The following TBC1D15 variants were observed in gnomAD, a reference collection of about 807,000 sequenced individuals.
The protein encoded by TBC1D15 is GAP for RAB7.
Under a neutral mutation model 95.4 loss-of-function variants are expected in TBC1D15, and 39 were observed. That is an observed-to-expected ratio of 0.41 (90% CI 0.32 to 0.53). The LOEUF (loss-of-function observed/expected upper bound fraction) is 0.53. TBC1D15 is among the 20% of genes least tolerant of loss of function. The pLI is 0.29. For synonymous variants in TBC1D15, 258 were observed against 261.3 expected, an observed-to-expected ratio of 0.99 and a Z score of 0.12; for missense variants, 733 against 794.3, an observed-to-expected ratio of 0.92 and a Z score of 0.93.
chr12:71,877,496 TTTCCTTCC>T (rs200912836), intron 3 of TBC1D15, among the ~76,000 whole-genome samples: 9,804 of 88,972 alleles, frequency 0.11, 618 homozygotes, highest in East Asian at 0.19. Context: ...CTTTCCTGTT[TTTCCTTCC>T]TTCCTTCCTT....
chr12:71,920,710 T>C, intron 14 of TBC1D15, 21 bp from the exon 15 acceptor site: 2 of 1,565,556 alleles, frequency 1.3e-6, no homozygotes, highest in Non-Finnish European at 1.8e-6. Context: ...ATTTGCAAAA[T>C]AGTTCTTCTG....
chr12:71,885,146 T>A, intron 5 of TBC1D15, 125 bp downstream of exon 5: 8 of 775,762 alleles, frequency 1.0e-5, no homozygotes, highest in South Asian at 1.8e-5. Context: ...ACAGCTTAGT[T>A]TTTTCTGGGA....
At chr12:71,858,869 T>A (rs952672475) in intron 1 of TBC1D15, among the ~76,000 whole-genome samples, 1 of 152,122 alleles carries the variant, frequency 6.6e-6, no homozygotes, top group Non-Finnish European at 1.5e-5. Flanking sequence ...TGTTTTTAGT[T>A]TTTTGAGGAA....
chr12:71,895,883 T>C, intron 7 of TBC1D15, 64 bp from the exon 8 acceptor site: 2 of 1,492,380 alleles, frequency 1.3e-6, no homozygotes, highest in Non-Finnish European at 1.8e-6. Flanking sequence ...ATTTAGTTTC[T>C]ATATGCCTTT....
At chr12:71,912,638 C>A (rs1342669067) in intron 11 of TBC1D15, among the ~76,000 whole-genome samples, 4 of 152,052 alleles carry the variant, frequency 2.6e-5, no homozygotes, top group African/African-American at 9.7e-5. Flanking sequence ...AATTATGTAT[C>A]ATTTATATGA....
chr12:71,869,165 AAGC>A lies in TBC1D15; in HGVS notation c.31-2902_31-2900del, dbSNP rs150182787. Reference sequence around the variant, plus strand: ...AGGATAGCATTATGCTATGTGAAATAAGCAGATACGGAAGGAAAAATAATTGTG... The same window carrying A: ...AGGATAGCATTATGCTATGTGAAATAAGATACGGAAGGAAAAATAATTGTG... On this transcript the variant is annotated intron_variant, in intron 1 of 16. Transcript: ENST00000485960. Among the ~76,000 whole-genome samples, 386 of 152,318 alleles carry A rather than the reference AAGC, an allele frequency of 2.5e-3. 1 individual carries two copies. Among genetic ancestry groups the A allele is most frequent in the African/African-American group, 8.8e-3 (366 of 41,572 alleles).
At chr12:71,841,458 T>C (rs1355823697) in intron 1 of TBC1D15, among the ~76,000 whole-genome samples, 1 of 152,154 alleles carries the variant, frequency 6.6e-6, no homozygotes. Flanking sequence ...GCTGCTCCTC[T>C]CCCAAGTAAT....
chr12:71,922,219 G>C (rs1869667419), intron 16 of TBC1D15, among the ~76,000 whole-genome samples: 1 of 152,126 alleles, frequency 6.6e-6, no homozygotes, highest in South Asian at 2.1e-4. Context: ...CGAGTAGCTA[G>C]GATTACAGGT....
intron 1 of TBC1D15, among the ~76,000 whole-genome samples, chr12:71,863,623 C>G (rs576429614): frequency 5.3e-5 from 8 of 152,080 alleles, no homozygotes; most frequent in Non-Finnish European, 1.2e-4. Flanking sequence ...AATAGGTTTT[C>G]TATACCTTTT....
Position 71,920,830 on chromosome 12 carries a change from T to C in TBC1D15, c.1699T>C (p.Phe567Leu), listed in dbSNP as rs1869005675. 1 of 1,608,460 alleles carries C rather than the reference T, an allele frequency of 6.2e-7. No individual in the cohort carries two copies. The highest frequency in any genetic ancestry group is 8.5e-7 in the Non-Finnish European group (1 of 1,176,438). ...KQQIMEKHYG[F>L]NEILKHINEL... ...GCAAATAATGGAAAAGCATTATGGC[T>C]TCAATGAAATACTTAAGGTAGTTAT... The change falls in exon 15 of 17, where the codon TTC becomes CTC. Residue 567 changes from phenylalanine (F) to leucine (L), a missense_variant. Transcript: ENST00000485960.
Position 71,923,109 on chromosome 12 carries a change from A to G in TBC1D15, c.1930A>G (p.Asn644Asp). 1.2e-6 allele frequency: 2 copies of G among 1,614,190 alleles called. No homozygotes were observed. The highest frequency in any genetic ancestry group is 1.7e-6 in the Non-Finnish European group (2 of 1,180,028). ...TPCPTSAFQS[N>D]ALPTLSASGA... is the part of the protein sequence containing the mutation. ...TTGTCCTACATCTGCATTTCAAAGT[A>G]ATGCCTTGCCTACACTCTCTGCCAG... is the stretch of plus-strand genomic sequence containing the variant. Residue 644 changes from asparagine to aspartate, a missense_variant, in exon 17 of 17, where the codon AAT (asparagine) becomes GAT (aspartate). Transcript: ENST00000485960.
chr12:71,853,489 T>C (rs78456059), intron 1 of TBC1D15, among the ~76,000 whole-genome samples: 2,670 of 152,314 alleles, frequency 0.018, 80 homozygotes, highest in African/African-American at 0.061. Flanking sequence ...CTTGAACATA[T>C]GGGATAGACT....
chr12:71,913,633 T>A (rs1902970653), intron 11 of TBC1D15, 193 bp from the exon 12 acceptor site: 1 of 483,808 alleles, frequency 2.1e-6, no homozygotes, highest in Admixed American at 4.1e-5. Flanking sequence ...CTAAAACAAC[T>A]CATCTTTCTT....
intron 1 of TBC1D15, among the ~76,000 whole-genome samples, chr12:71,843,401 T>C (rs1226528431): frequency 6.6e-6 from 1 of 152,208 alleles, no homozygotes; most frequent in Non-Finnish European, 1.5e-5. Context: ...TCTTTTTAAA[T>C]ATGCTCATAG....
chr12:71,869,804 C>G lies in TBC1D15; in HGVS notation c.31-2266C>G, dbSNP rs558891116. On this transcript the variant is annotated intron_variant, in intron 1 of 16. Coordinates refer to ENST00000485960, the MANE Select transcript of TBC1D15 (RefSeq NM_001146213.3). ...CTGGTTCACCCTCCTGTTTGATAAA[C>G]TGAAGTCTAGAAAATTTAGTTTATA... Among the ~76,000 whole-genome samples, 9 of 152,204 alleles carry G rather than the reference C, an allele frequency of 5.9e-5. No homozygotes were observed. The South Asian group carries it at 6.2e-4, about 11-fold the overall frequency.
At chr12:71,917,907 C>T in intron 13 of TBC1D15, 110 bp downstream of exon 13, 1 of 670,192 alleles carries the variant, frequency 1.5e-6, no homozygotes, top group Non-Finnish European at 2.5e-6. Flanking sequence ...GCCTATAATC[C>T]CAGCACTTTG....
chr12:71,912,071 C>G (rs1483093251), intron 11 of TBC1D15, among the ~76,000 whole-genome samples: 1 of 152,156 alleles, frequency 6.6e-6, no homozygotes, highest in African/African-American at 2.4e-5. Context: ...AGTACTCTTG[C>G]ACTTTGTTGA....
At chr12:71,851,118 G>A (rs1474351767) in intron 1 of TBC1D15, among the ~76,000 whole-genome samples, 2 of 152,036 alleles carry the variant, frequency 1.3e-5, no homozygotes, top group Non-Finnish European at 2.9e-5. Context: ...GCTTCTGGGA[G>A]GCCTCAGGAA....
chr12:71,870,472 G>C (rs12229787), intron 1 of TBC1D15, among the ~76,000 whole-genome samples: 1 of 152,072 alleles, frequency 6.6e-6, no homozygotes, highest in Non-Finnish European at 1.5e-5. Context: ...ATCTTACTTA[G>C]GTTTTTGAAA....
Sources: allele counts gnomAD v4.1 joint callset (sites outside exome capture counted in the v4.1 genomes callset), GRCh38; gene constraint gnomAD v4.1.1; transcripts MANE v1.5; gene names NCBI Gene and HGNC (gene_info 2026-07-23, HGNC 2026-07-21).